PHYHIPL: variants seen among roughly 807,000 people sequenced by gnomAD.
PHYHIPL encodes the protein phytanoyl-CoA 2-hydroxylase interacting protein like.
In PHYHIPL, 9 loss-of-function variants were observed where a neutral mutation model predicts 33.4. That is an observed-to-expected ratio of 0.27 (90% CI 0.16 to 0.47). PHYHIPL has a LOEUF of 0.47. Among genes scored for constraint, PHYHIPL ranks in the 20% least tolerant of loss-of-function variants. The pLI is 0.99. For synonymous variants in PHYHIPL, 153 were observed against 154.1 expected, an observed-to-expected ratio of 0.99 and a Z score of 0.05; for missense variants, 365 against 460.7, an observed-to-expected ratio of 0.79 and a Z score of 1.90.
At chr10:59,188,781 A>G (rs1032911841) in intron 1 of PHYHIPL, among the ~76,000 whole-genome samples, 3 of 152,114 alleles carry the variant, frequency 2.0e-5, no homozygotes, top group Non-Finnish European at 4.4e-5. Flanking sequence ...CGAGACTAAG[A>G]TTGCAACCCC....
intron 1 of PHYHIPL, among the ~76,000 whole-genome samples, chr10:59,215,179 A>G (rs556122899): frequency 1.2e-4 from 18 of 152,202 alleles, no homozygotes; most frequent in African/African-American, 4.3e-4. Context: ...GGATTTACCC[A>G]TATAATGTGA....
chr10:59,234,159 A>G, intron 1 of PHYHIPL, 145 bp from the exon 2 acceptor site: 1 of 628,514 alleles, frequency 1.6e-6, no homozygotes, highest in South Asian at 2.5e-5. Context: ...CTCTGTGAAA[A>G]CAAATTGGAA....
intron 1 of PHYHIPL, among the ~76,000 whole-genome samples, chr10:59,206,488 A>G (rs1405153010): frequency 6.6e-6 from 1 of 152,206 alleles, no homozygotes; most frequent in Non-Finnish European, 1.5e-5. Flanking sequence ...GTGTAACCCA[A>G]CGTAGTCTAA....
intron 1 of PHYHIPL, among the ~76,000 whole-genome samples, chr10:59,201,028 T>C (rs1316721756): frequency 2.0e-5 from 3 of 152,212 alleles, no homozygotes; most frequent in Non-Finnish European, 4.4e-5. Context: ...TCATTGATAT[T>C]TCGAAGGGTT....
intron 1 of PHYHIPL, chr10:59,206,662 A>T: frequency 3.0e-6 from 1 of 337,398 alleles, no homozygotes; most frequent in Non-Finnish European, 4.6e-6. Context: ...ACATTTATTT[A>T]ATTCAAATTT....
At chr10:59,210,890 C>T (rs1564709798) in intron 1 of PHYHIPL, among the ~76,000 whole-genome samples, 1 of 151,960 alleles carries the variant, frequency 6.6e-6, no homozygotes, top group Non-Finnish European at 1.5e-5. Context: ...CACATAGACA[C>T]AGGGAGGGGA....
At chr10:59,208,686 T>C (rs987926103) in intron 1 of PHYHIPL, among the ~76,000 whole-genome samples, 10 of 151,374 alleles carry the variant, frequency 6.6e-5, no homozygotes, top group Admixed American at 6.6e-4. Flanking sequence ...TGAAAAAAGG[T>C]TAGAGGAATT....
At chr10:59,199,070 AT>A (rs1298813551) in intron 1 of PHYHIPL, among the ~76,000 whole-genome samples, 1 of 151,902 alleles carries the variant, frequency 6.6e-6, no homozygotes, top group Non-Finnish European at 1.5e-5. Context: ...ATTAGATCCC[AT>A]TTGTCAATTT....
chr10:59,184,984 A>ATTTTTTT (rs34336392), intron 1 of PHYHIPL, among the ~76,000 whole-genome samples: 5 of 92,092 alleles, frequency 5.4e-5, no homozygotes, highest in Non-Finnish European at 1.0e-4. Flanking sequence ...TGAACTCATC[A>ATTTTTTT]TTTTTTTTTT....
chr10:59,200,638 G>A (rs1484609443), intron 1 of PHYHIPL, among the ~76,000 whole-genome samples: 1 of 152,152 alleles, frequency 6.6e-6, no homozygotes, highest in Non-Finnish European at 1.5e-5. Context: ...AATGGTACCA[G>A]CTCCTCCTTG....
chr10:59,232,748 A>G (rs1298597302), intron 1 of PHYHIPL, among the ~76,000 whole-genome samples: 1 of 141,360 alleles, frequency 7.1e-6, no homozygotes, highest in Non-Finnish European at 1.5e-5. Flanking sequence ...TGATTTCTAC[A>G]AAAATTCTAC....
intron 1 of PHYHIPL, among the ~76,000 whole-genome samples, chr10:59,180,059 A>G (rs1193296497): frequency 6.6e-6 from 1 of 151,806 alleles, no homozygotes; most frequent in Non-Finnish European, 1.5e-5. Flanking sequence ...CTCAAATTGC[A>G]TACATGATGT....
intron 1 of PHYHIPL, among the ~76,000 whole-genome samples, chr10:59,181,018 A>G (rs1838401516): frequency 6.6e-6 from 1 of 152,054 alleles, no homozygotes; most frequent in Non-Finnish European, 1.5e-5. Context: ...AGATCAGACC[A>G]CCCCTGTTAG....
intron 1 of PHYHIPL, among the ~76,000 whole-genome samples, chr10:59,224,751 A>G (rs868137940): frequency 1.3e-5 from 2 of 152,158 alleles, no homozygotes; most frequent in Non-Finnish European, 2.9e-5. Flanking sequence ...ATTACGTTGT[A>G]ATTAGAATAT....
At chr10:59,189,607 G>A (rs1017912476) in intron 1 of PHYHIPL, among the ~76,000 whole-genome samples, 3 of 151,820 alleles carry the variant, frequency 2.0e-5, no homozygotes, top group Non-Finnish European at 1.5e-5. Flanking sequence ...AGGAAAAAAG[G>A]ACACAAAAAT....
chr10:59,213,134 G>C (rs1839512797), intron 1 of PHYHIPL, among the ~76,000 whole-genome samples: 1 of 151,864 alleles, frequency 6.6e-6, no homozygotes, highest in African/African-American at 2.4e-5. Flanking sequence ...TGTATAAGGA[G>C]CTGGTAAATA....
At chr10:59,195,429 A>G (rs1838886065) in intron 1 of PHYHIPL, among the ~76,000 whole-genome samples, 1 of 152,230 alleles carries the variant, frequency 6.6e-6, no homozygotes. Flanking sequence ...TGAAGAGTGG[A>G]CAGTCATGGA....
rs531055183 is a variant in PHYHIPL, at chr10:59,244,258, G to C, written c.597-799G>C. Among the ~76,000 whole-genome samples, 3 of 152,138 alleles carry C rather than the reference G, an allele frequency of 2.0e-5. No homozygotes were observed. The East Asian group carries it at 5.8e-4, about 29-fold the overall frequency. ...ATGCCAGAGAAATAACCTGATTACT[G>C]TCCTTGGGTTAAAAAGCCAAAACAA... On this transcript the variant is annotated intron_variant, in intron 4 of 4. Coordinates refer to ENST00000373880, the MANE Select transcript of PHYHIPL (RefSeq NM_032439.4).
intron 1 of PHYHIPL, chr10:59,221,585 G>GT: frequency 1.5e-6 from 1 of 651,946 alleles, no homozygotes; most frequent in Non-Finnish European, 1.9e-6. Flanking sequence ...AGAGAGATAA[G>GT]TTTTTAAATA....
Sources: gnomAD v4.1 joint callset for allele counts (sites outside exome capture counted in the v4.1 genomes callset) on GRCh38, gnomAD v4.1.1 for gene constraint, MANE v1.5 for transcripts, NCBI Gene and HGNC (gene_info 2026-07-23, HGNC 2026-07-21) for gene names.